The following SLC48A1 variants were observed in gnomAD, a reference collection of about 807,000 sequenced individuals.
SLC48A1 encodes solute carrier family 48 member 1.
A neutral mutation model predicts 14.8 loss-of-function variants in SLC48A1; 6 were observed. The observed-to-expected ratio is 0.41, with a 90% CI of 0.22 to 0.80. The LOEUF (loss-of-function observed/expected upper bound fraction) is 0.80. Ranked by LOEUF, SLC48A1 falls within the 30% of genes least tolerant of loss-of-function variation. The pLI is 0.34. For synonymous variants in SLC48A1, 89 were observed against 90.0 expected, an observed-to-expected ratio of 0.99 and a Z score of 0.06; for missense variants, 165 against 204.8, an observed-to-expected ratio of 0.81 and a Z score of 1.19.
upstream of SLC48A1, chr12:47,769,458 T>C (rs930966940): frequency 2.0e-5 from 3 of 152,260 alleles, no homozygotes; most frequent in African/African-American, 7.2e-5. Context: ...TTTCCCATTC[T>C]CAAGGTCTTT....
chr12:47,758,151 A>G, upstream of SLC48A1: 1 of 1,504,118 alleles, frequency 6.6e-7, no homozygotes, highest in East Asian at 2.5e-5. Flanking sequence ...CAACTGCCCC[A>G]GGCAGAACTA....
chr12:47,772,035 G>A (rs184141691), upstream of SLC48A1: 5 of 154,598 alleles, frequency 3.2e-5, no homozygotes, highest in Admixed American at 3.3e-4. Flanking sequence ...ACCATTATTT[G>A]GATTCCTGAC....
chr12:47,757,932 G>A, upstream of SLC48A1: 2 of 1,557,064 alleles, frequency 1.3e-6, no homozygotes. Flanking sequence ...AGCAGCTTCG[G>A]GGCCGGTGCA....
At chr12:47,769,831 TAATTA>T, upstream of SLC48A1, among the ~76,000 whole-genome samples, 1 of 152,314 alleles carries the variant, frequency 6.6e-6, no homozygotes, top group East Asian at 1.9e-4. Context: ...CTACTTAAAT[TAATTA>T]AATTAAATTT....
intron 1 of SLC48A1, 22 bp from the exon 2 acceptor site, chr12:47,779,005 GC>G: frequency 1.3e-6 from 2 of 1,549,766 alleles, no homozygotes; most frequent in Non-Finnish European, 1.7e-6. Context: ...CTGGGGATGG[GC>G]CCTGATGTGT....
chr12:47,760,458 A>G, intron 2 of SLC48A1: 1 of 965,410 alleles, frequency 1.0e-6, no homozygotes, highest in Non-Finnish European at 1.2e-6. Flanking sequence ...TGCTGGGGCC[A>G]GTGCCCTGGC....
chr12:47,773,301 C>G lies in SLC48A1; in HGVS notation c.-4C>G, dbSNP rs997565267. 1 of 1,440,792 alleles carries G rather than the reference C, an allele frequency of 6.9e-7. No homozygotes were observed. Among genetic ancestry groups the G allele is most frequent in the Non-Finnish European group, 9.1e-7 (1 of 1,094,060 alleles). 89.3% of individuals were successfully genotyped at this position (1,440,792 alleles called of 1,614,324 possible). The stretch of plus-strand genomic sequence containing the variant: ...GCCCTCGGCCCGCCCGGCGCCGCAG[C>G]CCCATGGCCCCGTCCAGGCTGCAGC... On this transcript the variant is annotated 5_prime_UTR_variant, in exon 1 of 3. Transcript: ENST00000442218.
intron 1 of SLC48A1, among the ~76,000 whole-genome samples, chr12:47,773,792 G>A (rs147556157): frequency 0.033 from 5,031 of 151,818 alleles, 128 homozygotes; most frequent in Non-Finnish European, 0.056. Flanking sequence ...CGCGGCGCTG[G>A]TCGCCTCCTA....
At chr12:47,759,937 G>T (rs552835157) in intron 1 of SLC48A1, among the ~76,000 whole-genome samples, 14 of 151,666 alleles carry the variant, frequency 9.2e-5, no homozygotes, top group Non-Finnish European at 2.1e-4. Flanking sequence ...CCTCCACCAT[G>T]ATTATTTTCT....
At chr12:47,775,347 C>T (rs1490488696) in intron 1 of SLC48A1, among the ~76,000 whole-genome samples, 1 of 152,214 alleles carries the variant, frequency 6.6e-6, no homozygotes, top group African/African-American at 2.4e-5. Context: ...GTGGAGCTGC[C>T]TTCAGAGAGA....
intron 1 of SLC48A1, chr12:47,758,771 G>C: frequency 8.1e-7 from 1 of 1,240,456 alleles, no homozygotes; most frequent in Non-Finnish European, 1.0e-6. Flanking sequence ...AGGGGTGGGG[G>C]CGTGGTGGGG....
chr12:47,773,912 G>A (rs939095998), intron 1 of SLC48A1, among the ~76,000 whole-genome samples: 1 of 152,268 alleles, frequency 6.6e-6, no homozygotes, highest in Non-Finnish European at 1.5e-5. Flanking sequence ...AGAGAGGGAA[G>A]AAGTGGGAAA....
chr12:47,764,819 C>T (rs1013027998), intron 2 of SLC48A1, among the ~76,000 whole-genome samples: 9 of 152,068 alleles, frequency 5.9e-5, no homozygotes, highest in South Asian at 2.1e-4. Flanking sequence ...TGGCTCACGC[C>T]GGTAATCCCA....
rs1264740890 is a variant in SLC48A1 at position 47,777,815 on chromosome 12, A to G, written c.137-1213A>G. On this transcript the variant is annotated intron_variant, in intron 1 of 2. Coordinates refer to ENST00000442218, the MANE Select transcript of SLC48A1 (RefSeq NM_017842.3). The surrounding 1 kb of genome is among the most constrained non-coding windows in gnomAD (Gnocchi z 4.5). ...GAAACAAAATAGCATAGATTCCCAT[A>G]GATTCAAAGCACTTCCCCACCCCCA... is the stretch of plus-strand genomic sequence containing the variant. Among the ~76,000 whole-genome samples, 1 of 152,238 alleles carries G rather than the reference A, an allele frequency of 6.6e-6. No homozygotes were observed. The highest frequency in any genetic ancestry group is 1.5e-5 in the Non-Finnish European group (1 of 68,046).
chr12:47,770,360 C>A (rs1299668166), upstream of SLC48A1, among the ~76,000 whole-genome samples: 2 of 152,246 alleles, frequency 1.3e-5, no homozygotes, highest in African/African-American at 4.8e-5. Flanking sequence ...TCTCCCCTGA[C>A]CTTTAGGTTC....
At chr12:47,770,733 C>T, upstream of SLC48A1, 1 of 442,426 alleles carries the variant, frequency 2.3e-6, no homozygotes, top group Non-Finnish European at 4.6e-6. Context: ...TCTCCCCCAG[C>T]CCCAAGGGGA....
chr12:47,779,279 T>TACC (rs1942815007), intron 2 of SLC48A1, 84 bp downstream of exon 2: 2 of 1,465,496 alleles, frequency 1.4e-6, no homozygotes, highest in Non-Finnish European at 1.8e-6. Context: ...TTCCACAGGT[T>TACC]ACCTCCAAAG....
intron 1 of SLC48A1, among the ~76,000 whole-genome samples, chr12:47,776,021 G>A (rs1942743927): frequency 6.6e-6 from 1 of 152,208 alleles, no homozygotes. Flanking sequence ...TGCTCCTGAA[G>A]TCTAAACAGC....
chr12:47,772,104 A>G (rs1592603969), upstream of SLC48A1: 1 of 154,906 alleles, frequency 6.5e-6, no homozygotes, highest in Admixed American at 6.5e-5. Context: ...AATTTGTGGT[A>G]ATTTGTTACG....
Sources: gnomAD v4.1 joint callset for allele counts (sites outside exome capture counted in the v4.1 genomes callset) on GRCh38, gnomAD v4.1.1 for gene constraint, Gnocchi (gnomAD v3.1) non-coding constraint, MANE v1.5 for transcripts, NCBI Gene and HGNC (gene_info 2026-07-23, HGNC 2026-07-21) for gene names.